Variants in CFAP77 observed in about 807,000 individuals in gnomAD.
CFAP77 encodes the protein cilia and flagella associated protein 77.
Under a neutral mutation model 31.1 loss-of-function variants are expected in CFAP77, and 25 were observed. The ratio of observed to expected loss-of-function variants is 0.80; its 90% CI spans 0.59 to 1.12. CFAP77 has a LOEUF of 1.12. CFAP77 is among the 50% of genes most tolerant of loss of function. The probability of loss-of-function intolerance (pLI) is 0.00; values close to 1 mark genes in which losing one functional copy is unlikely to be tolerated. For missense variants in CFAP77, 377 were observed against 397.3 expected (o/e 0.95, Z 0.44); for synonymous variants, 151 against 159.9 (o/e 0.94, Z 0.42).
In CFAP77 at chr9:132,499,475, G is replaced by T; in HGVS notation, c.399G>T (p.Val133=). The change falls in exon 3 of 6, where the codon GTG becomes GTT. Residue 133 remains valine (V), a synonymous_variant. Transcript: ENST00000393216. This position sits in a 1 kb window ranked among gnomAD's most constrained non-coding sequence, Gnocchi z 5.4. The part of the protein sequence containing the change: ...MNRGAVKAGL[V]TARENLLYRQ... ...GCGGGGCGGTGAAAGCCGGCCTGGT[G>T]ACTGCCCGGGAGAACTTGCTCTACC... 2 of 1,614,206 alleles carry T rather than the reference G, an allele frequency of 1.2e-6. No homozygotes were observed. The highest frequency in any genetic ancestry group is 1.1e-5 in the South Asian group (1 of 91,080).
At chr9:132,491,900 A>G (rs866956055) in intron 1 of CFAP77, among the ~76,000 whole-genome samples, 12 of 152,186 alleles carry the variant, frequency 7.9e-5, no homozygotes, top group Non-Finnish European at 1.3e-4. Flanking sequence ...TAAAGTTGCA[A>G]TTTCCAAAAA....
intron 1 of CFAP77, among the ~76,000 whole-genome samples, chr9:132,438,031 C>T (rs758291938): frequency 2.7e-5 from 4 of 150,628 alleles, no homozygotes; most frequent in Non-Finnish European, 5.9e-5. Context: ...ATAGTAAAAC[C>T]TCGTCGCTAC....
rs1394473680 is a variant in CFAP77, at chr9:132,565,391, A to AG, written c.733-6995dup. Among the ~76,000 whole-genome samples the AG allele has an allele frequency of 6.6e-6, 1 of 151,988 alleles. No homozygotes were observed. The highest frequency in any genetic ancestry group is 6.6e-5 in the Admixed American group (1 of 15,248). On this transcript the variant is annotated intron_variant, in intron 5 of 5. Coordinates refer to ENST00000393216, the MANE Select transcript of CFAP77 (RefSeq NM_001282957.2). This position sits in a 1 kb window ranked among gnomAD's most constrained non-coding sequence, Gnocchi z 4.1. ...ACGCCTGTAATCCCAGCACTTTGGG[A>AG]GGCCGAGGTGAGTGGATCACCTGAG... is the stretch of plus-strand genomic sequence containing the variant.
chr9:132,437,129 T>A (rs1199971884), intron 1 of CFAP77, among the ~76,000 whole-genome samples: 1 of 152,208 alleles, frequency 6.6e-6, no homozygotes, highest in African/African-American at 2.4e-5. Context: ...GGTAACTCGA[T>A]GCATAAAGAA....
intron 1 of CFAP77, chr9:132,482,173 C>T (rs976875989): frequency 3.4e-6 from 2 of 591,014 alleles, no homozygotes; most frequent in Non-Finnish European, 5.9e-6. Flanking sequence ...TTCCTTTTCT[C>T]TCTTTCTTTC....
chr9:132,443,240 T>A (rs569445610), intron 1 of CFAP77, among the ~76,000 whole-genome samples: 4 of 152,234 alleles, frequency 2.6e-5, no homozygotes, highest in South Asian at 2.1e-4. Flanking sequence ...AAAAAGTTTT[T>A]TTTTTGTTTT....
chr9:132,450,232 T>C (rs1012517533), intron 1 of CFAP77, among the ~76,000 whole-genome samples: 2 of 151,234 alleles, frequency 1.3e-5, no homozygotes, highest in African/African-American at 4.9e-5. Flanking sequence ...GCCCGGCCGA[T>C]TAAGAGTTCT....
intron 1 of CFAP77, among the ~76,000 whole-genome samples, chr9:132,464,276 G>A (rs1321659225): frequency 6.6e-6 from 1 of 152,000 alleles, no homozygotes; most frequent in East Asian, 1.9e-4. Context: ...GGTCTCTGCC[G>A]CCTCCTCCCA....
At chr9:132,519,583 G>A (rs1167000307) in intron 3 of CFAP77, among the ~76,000 whole-genome samples, 2 of 72,358 alleles carry the variant, frequency 2.8e-5, no homozygotes, top group African/African-American at 5.6e-5. Flanking sequence ...TAGATGGATG[G>A]ATGGATGGAT....
chr9:132,458,364 A>C (rs1850966961), intron 1 of CFAP77, among the ~76,000 whole-genome samples: 1 of 131,842 alleles, frequency 7.6e-6, no homozygotes, highest in Non-Finnish European at 1.6e-5. Context: ...GGGGGTGTGT[A>C]TGGAAGGCTC....
At chr9:132,546,891 G>A (rs903210267) in intron 5 of CFAP77, among the ~76,000 whole-genome samples, 2 of 152,206 alleles carry the variant, frequency 1.3e-5, no homozygotes, top group Non-Finnish European at 2.9e-5. Flanking sequence ...GTTCTTGAGC[G>A]TTCCTTCCAA....
chr9:132,555,271 G>T (rs1025519466), intron 5 of CFAP77, among the ~76,000 whole-genome samples: 1 of 152,020 alleles, frequency 6.6e-6, no homozygotes, highest in Non-Finnish European at 1.5e-5. Context: ...AATCCTTCCT[G>T]GTCATTATTC....
chr9:132,503,247 C>T (rs1851883964), intron 3 of CFAP77, among the ~76,000 whole-genome samples: 1 of 152,258 alleles, frequency 6.6e-6, no homozygotes, highest in Non-Finnish European at 1.5e-5. Context: ...GATCCAGCTC[C>T]TCTTCTCAGC....
At position 132,511,584 on chromosome 9, in the gene CFAP77, C is replaced by T. The variant is rs1852040314; in HGVS notation, c.524+11984C>T. Reference sequence around the variant, plus strand: ...AACAGATTGCTCAAATGCAGTGCGTCCTGGATTTTGGGAACAGGCACTATT... The same window carrying T: ...AACAGATTGCTCAAATGCAGTGCGTTCTGGATTTTGGGAACAGGCACTATT... On this transcript the variant is annotated intron_variant, in intron 3 of 5. Transcript: ENST00000393216. This position sits in a 1 kb window ranked among gnomAD's most constrained non-coding sequence, Gnocchi z 5.8. 6.6e-6 allele frequency among the ~76,000 whole-genome samples: 1 copy of T among 152,212 alleles called. No homozygotes were observed. Among genetic ancestry groups the T allele is most frequent in the Admixed American group, 6.5e-5 (1 of 15,284 alleles).
chr9:132,496,695 C>T (rs1226320618), intron 1 of CFAP77, among the ~76,000 whole-genome samples: 1 of 152,226 alleles, frequency 6.6e-6, no homozygotes, highest in Non-Finnish European at 1.5e-5. Flanking sequence ...GGAAGGCAGG[C>T]TGAGGCTGCT....
chr9:132,497,051 G>A lies in CFAP77; in HGVS notation c.196-1644G>A, dbSNP rs1431417901. On this transcript the variant is annotated intron_variant, in intron 1 of 5. Coordinates refer to ENST00000393216, the MANE Select transcript of CFAP77 (RefSeq NM_001282957.2). This position sits in a 1 kb window ranked among gnomAD's most constrained non-coding sequence, Gnocchi z 4.9. ...GACAGGGCTTGAAGAATAAGGACCA[G>A]TAAGGGTGGGCCTTGAGCAAAGAGC... 6.6e-6 allele frequency among the ~76,000 whole-genome samples: 1 copy of A among 152,204 alleles called. No individual in the cohort carries two copies. Among genetic ancestry groups the A allele is most frequent in the Non-Finnish European group, 1.5e-5 (1 of 68,040 alleles).
intron 4 of CFAP77, among the ~76,000 whole-genome samples, chr9:132,538,624 A>G (rs1464715781): frequency 6.6e-6 from 1 of 152,176 alleles, no homozygotes; most frequent in Non-Finnish European, 1.5e-5. Context: ...CTAAAAATAC[A>G]AAAATTAGCT....
chr9:132,416,075 C>T (rs1312467528), intron 1 of CFAP77, among the ~76,000 whole-genome samples: 1 of 152,058 alleles, frequency 6.6e-6, no homozygotes, highest in African/African-American at 2.4e-5. Flanking sequence ...AACATTGTAA[C>T]CAGGCATAGG....
chr9:132,455,356 A>G lies in CFAP77; in HGVS notation c.196-43339A>G, dbSNP rs1850894420. ...ACCTCATCTCTACTAAAAATACAAA[A>G]ATTAGCCAGGTGTGGTGGCGGGCAC... On this transcript the variant is annotated intron_variant, in intron 1 of 5. Transcript: ENST00000393216. This position sits in a 1 kb window ranked among gnomAD's most constrained non-coding sequence, Gnocchi z 4.1. 6.6e-6 allele frequency among the ~76,000 whole-genome samples: 1 copy of G among 151,984 alleles called. No individual in the cohort carries two copies. Among genetic ancestry groups the G allele is most frequent in the Non-Finnish European group, 1.5e-5 (1 of 67,996 alleles).
Sources: gnomAD v4.1 joint callset for allele counts (sites outside exome capture counted in the v4.1 genomes callset) on GRCh38, gnomAD v4.1.1 for gene constraint, Gnocchi (gnomAD v3.1) non-coding constraint, MANE v1.5 for transcripts, NCBI Gene and HGNC (gene_info 2026-07-23, HGNC 2026-07-21) for gene names.